The following CRY1 variants were observed in gnomAD, a reference collection of about 807,000 sequenced individuals.
The protein encoded by CRY1 is cryptochrome circadian regulator 1.
In CRY1, 45 loss-of-function variants were observed where a neutral mutation model predicts 76.0. The ratio of observed to expected loss-of-function variants is 0.59; its 90% CI spans 0.47 to 0.76. The LOEUF (loss-of-function observed/expected upper bound fraction) is 0.76, where lower values mean the gene tolerates loss of function less well. CRY1 is among the 30% of genes least tolerant of loss of function. The pLI is 0.00. For missense variants in CRY1, 587 were observed against 716.4 expected (o/e 0.82, Z 2.06); for synonymous variants, 248 against 244.0 (o/e 1.02, Z -0.15).
In CRY1 at chr12:106,997,890, T is replaced by C. The variant is rs114269426; in HGVS notation, c.1289+25A>G. On this transcript the variant is annotated intron_variant, in intron 8 of 12. Coordinates refer to ENST00000008527, the MANE Select transcript of CRY1 (RefSeq NM_004075.5). ...TCTTCTTGAATTAACTATTCCAAAC[T>C]GAGTAGTAATCACCCTTGATTTACC... The C allele has an allele frequency of 2.1e-3, 3,450 of 1,606,276 alleles. 67 individuals are homozygous for C. The African/African-American group carries it at 0.04, about 19-fold the overall frequency.
At chr12:107,056,522 A>G (rs933923760) in intron 1 of CRY1, among the ~76,000 whole-genome samples, 1 of 152,104 alleles carries the variant, frequency 6.6e-6, no homozygotes. Context: ...TCAGCTTTGA[A>G]TGTGGCCCAA....
intron 1 of CRY1, among the ~76,000 whole-genome samples, chr12:107,090,444 G>A (rs1380579222): frequency 6.6e-6 from 1 of 152,276 alleles, no homozygotes; most frequent in African/African-American, 2.4e-5. Context: ...TACATTACTA[G>A]TGGCTCCTTC....
rs138393281 is a variant in CRY1 at position 107,087,673 on chromosome 12, G to A, written c.158+5131C>T. Among the ~76,000 whole-genome samples the A allele has an allele frequency of 5.3e-4, 80 of 152,196 alleles. No individual in the cohort carries two copies. The East Asian group carries it at 0.013, about 25-fold the overall frequency. On this transcript the variant is annotated intron_variant, in intron 1 of 12. Transcript: ENST00000008527. ...CTATAAGGAATCTGCCTTGAGTCTC[G>A]GATAAGATTTTAGACTTTGAGTTGA... is the stretch of plus-strand genomic sequence containing the variant.
Position 106,991,795 on chromosome 12 carries a change from C to A in CRY1, c.*207G>T, listed in dbSNP as rs1282728447. ...TGTTTATATTTACATTAAGCAAATT[C>A]TCTTGCCAAGTTCTTTATATACAAA... On this transcript the variant is annotated 3_prime_UTR_variant, in exon 13 of 13. Transcript: ENST00000008527. 1.3e-5 allele frequency: 2 copies of A among 152,520 alleles called. No homozygotes were observed. Among genetic ancestry groups the A allele is most frequent in the African/African-American group, 2.4e-5 (1 of 41,426 alleles). 9.4% of individuals were successfully genotyped at this position (152,520 alleles called of 1,614,324 possible).
At chr12:107,009,550 A>AAAAAC (rs375257867) in intron 2 of CRY1, among the ~76,000 whole-genome samples, 17 of 48,580 alleles carry the variant, frequency 3.5e-4, no homozygotes, top group Admixed American at 9.7e-4. Flanking sequence ...GAAAAAACAA[A>AAAAAC]AAAACAAAAA....
chr12:107,052,157 A>T (rs1952930588), intron 1 of CRY1, among the ~76,000 whole-genome samples: 1 of 149,118 alleles, frequency 6.7e-6, no homozygotes, highest in Non-Finnish European at 1.5e-5. Flanking sequence ...GAAAATCAAG[A>T]AGGTCATAAA....
At chr12:107,077,316 G>C (rs1953268728) in intron 1 of CRY1, among the ~76,000 whole-genome samples, 1 of 152,164 alleles carries the variant, frequency 6.6e-6, no homozygotes, top group Non-Finnish European at 1.5e-5. Context: ...GTCCTTTAGT[G>C]GTGTGAAAGT....
intron 1 of CRY1, among the ~76,000 whole-genome samples, chr12:107,089,932 T>C (rs1046079214): frequency 6.6e-6 from 1 of 152,234 alleles, no homozygotes; most frequent in Non-Finnish European, 1.5e-5. Context: ...AAAAGACTTT[T>C]GCCTCTGACA....
chr12:107,001,373 A>G lies in CRY1; in HGVS notation c.596-5T>C. 6.3e-7 allele frequency: 1 copy of G among 1,593,028 alleles called. No individual in the cohort carries two copies. Among genetic ancestry groups the G allele is most frequent in the Non-Finnish European group, 8.5e-7 (1 of 1,172,438 alleles). On this transcript the variant is annotated splice_polypyrimidine_tract_variant and splice_region_variant and intron_variant, in intron 4 of 12. Transcript: ENST00000008527. Reference sequence around the variant, plus strand: ...ATAAGCCATCTGTATCAAAACCTACAAGAAAGAAAAGAAAAAAACATCATT... The same window carrying G: ...ATAAGCCATCTGTATCAAAACCTACGAGAAAGAAAAGAAAAAAACATCATT...
intron 1 of CRY1, among the ~76,000 whole-genome samples, chr12:107,069,617 G>GTA (rs1161209629): frequency 1.5e-4 from 11 of 74,596 alleles, no homozygotes; most frequent in Admixed American, 6.8e-4. Flanking sequence ...TATATAAAAA[G>GTA]TATATATATA....
chr12:107,008,846 A>G (rs752395256), intron 2 of CRY1, among the ~76,000 whole-genome samples: 1 of 152,072 alleles, frequency 6.6e-6, no homozygotes, highest in African/African-American at 2.4e-5. Flanking sequence ...GGTTTTTTTA[A>G]AGGGCAGTTC....
intron 1 of CRY1, among the ~76,000 whole-genome samples, chr12:107,047,301 G>T (rs996454219): frequency 1.3e-5 from 2 of 152,100 alleles, no homozygotes; most frequent in Non-Finnish European, 2.9e-5. Context: ...TTAAGAAAAA[G>T]ATTTAAACAT....
At chr12:107,034,294 T>G (rs1952709578) in intron 1 of CRY1, among the ~76,000 whole-genome samples, 1 of 152,026 alleles carries the variant, frequency 6.6e-6, no homozygotes, top group South Asian at 2.1e-4. Flanking sequence ...TGTTACCCTA[T>G]ATGGTCTAAA....
In CRY1 at chr12:107,093,401, C is replaced by G. The variant is rs947896351; in HGVS notation, c.-440G>C. On this transcript the variant is annotated 5_prime_UTR_variant, in exon 1 of 13. Transcript: ENST00000008527. ...AAACGGCCCGCCCGAGGTGAGTCAC[C>G]GAGGAGAACCGGAGGGGAATGAGCC... 6.3e-6 allele frequency: 1 copy of G among 158,782 alleles called. No homozygotes were observed. Among genetic ancestry groups the G allele is most frequent in the South Asian group, 1.9e-4 (1 of 5,320 alleles). 9.8% of individuals were successfully genotyped at this position (158,782 alleles called of 1,614,324 possible).
intron 5 of CRY1, 88 bp from the exon 6 acceptor site, chr12:107,000,170 T>C: frequency 1.5e-6 from 2 of 1,316,772 alleles, no homozygotes; most frequent in Non-Finnish European, 2.1e-6. Flanking sequence ...TTTTTAAAGT[T>C]ACATAGTTCT....
At chr12:107,041,393 G>A (rs1952797930) in intron 1 of CRY1, among the ~76,000 whole-genome samples, 1 of 152,120 alleles carries the variant, frequency 6.6e-6, no homozygotes, top group Non-Finnish European at 1.5e-5. Flanking sequence ...TAACTAATCT[G>A]GGTCTTTTTA....
At chr12:107,058,314 C>G (rs1040238718) in intron 1 of CRY1, among the ~76,000 whole-genome samples, 1 of 151,920 alleles carries the variant, frequency 6.6e-6, no homozygotes, top group Non-Finnish European at 1.5e-5. Flanking sequence ...TCACACGCTT[C>G]AATAAGAAAC....
At position 107,000,322 on chromosome 12, in the gene CRY1, C is replaced by CAGAA. The variant is rs199568731; in HGVS notation, c.685-244_685-241dup. Among the ~76,000 whole-genome samples the CAGAA allele has an allele frequency of 3.4e-3, 511 of 151,932 alleles. 3 individuals carry two copies. The highest frequency in any genetic ancestry group is 0.011 in the African/African-American group (464 of 41,474). On this transcript the variant is annotated intron_variant, in intron 5 of 12. Coordinates refer to ENST00000008527, the MANE Select transcript of CRY1 (RefSeq NM_004075.5). ...AAATAAATTTCCTTCAAATTTCCAA[C>CAGAA]AGAAAGCTGAGAGCACCTTCAATCT...
intron 1 of CRY1, among the ~76,000 whole-genome samples, chr12:107,055,495 T>C (rs539078915): frequency 3.0e-4 from 46 of 152,242 alleles, no homozygotes; most frequent in Non-Finnish European, 5.9e-4. Flanking sequence ...GCCTATTAAA[T>C]TGAATAGGCT....
Sources: gnomAD v4.1 joint callset for allele counts (sites outside exome capture counted in the v4.1 genomes callset) on GRCh38, gnomAD v4.1.1 for gene constraint, MANE v1.5 for transcripts, NCBI Gene and HGNC (gene_info 2026-07-23, HGNC 2026-07-21) for gene names.